The following LIMCH1 variants were observed in gnomAD, a reference collection of about 807,000 sequenced individuals.
LIMCH1 encodes LIM and calponin homology domains 1.
A neutral mutation model predicts 176.5 loss-of-function variants in LIMCH1; 113 were observed. That is an observed-to-expected ratio of 0.64 (90% CI 0.55 to 0.75). The LOEUF (loss-of-function observed/expected upper bound fraction) is 0.75. Among genes scored for constraint, LIMCH1 ranks in the 30% least tolerant of loss-of-function variants. The probability of loss-of-function intolerance (pLI) is 0.00; values close to 1 mark genes in which losing one functional copy is unlikely to be tolerated. For synonymous variants in LIMCH1, 619 were observed against 645.9 expected (o/e 0.96, Z 0.63); for missense variants, 1,674 against 1,814.9 (o/e 0.92, Z 1.41).
At chr4:41,552,230 T>A (rs899968157) in intron 1 of LIMCH1, among the ~76,000 whole-genome samples, 1 of 152,106 alleles carries the variant, frequency 6.6e-6, no homozygotes, top group Non-Finnish European at 1.5e-5. Context: ...GGAGCTACAA[T>A]TGAAGATGAG....
intron 1 of LIMCH1, among the ~76,000 whole-genome samples, chr4:41,449,860 AG>A (rs2063675389): frequency 6.6e-6 from 1 of 152,206 alleles, no homozygotes; most frequent in Non-Finnish European, 1.5e-5. Context: ...GAGTGTTGGC[AG>A]GGTTGATGTC....
chr4:41,592,404 T>G (rs2087777272), intron 1 of LIMCH1, among the ~76,000 whole-genome samples: 1 of 152,240 alleles, frequency 6.6e-6, no homozygotes, highest in African/African-American at 2.4e-5. Flanking sequence ...TGAGGCTGTT[T>G]GTATAAAACT....
In LIMCH1 at chr4:41,687,836, AC is replaced by A; in HGVS notation, c.4089-3del. The stretch of plus-strand genomic sequence containing the variant: ...TAATTTTTGACTCCTTTACCACATT[AC>A]AGGAAAAGTCCCCGAGAGCACTTCC... On this transcript the variant is annotated splice_polypyrimidine_tract_variant and splice_region_variant and intron_variant, in intron 28 of 31. Transcript: ENST00000503057. 6.2e-7 allele frequency: 1 copy of A among 1,609,436 alleles called. No homozygotes were observed. Among genetic ancestry groups the A allele is most frequent in the Non-Finnish European group, 8.5e-7 (1 of 1,176,190 alleles).
chr4:41,494,274 A>G (rs1004224810), intron 1 of LIMCH1, among the ~76,000 whole-genome samples: 64 of 150,500 alleles, frequency 4.3e-4, no homozygotes, highest in African/African-American at 1.5e-3. Context: ...GTTTTTTTCA[A>G]GATTATTGAA....
chr4:41,381,133 A>G (rs1474009797), intron 1 of LIMCH1, among the ~76,000 whole-genome samples: 1 of 152,236 alleles, frequency 6.6e-6, no homozygotes, highest in African/African-American at 2.4e-5. Context: ...TGCCCAAGGA[A>G]GAACTTAACC....
At chr4:41,420,298 G>A (rs1428084849) in intron 1 of LIMCH1, among the ~76,000 whole-genome samples, 1 of 152,106 alleles carries the variant, frequency 6.6e-6, no homozygotes. Context: ...TAATAGCCTT[G>A]AATTATAATA....
chr4:41,690,644 G>A (rs16853490), intron 30 of LIMCH1, among the ~76,000 whole-genome samples: 3 of 151,848 alleles, frequency 2.0e-5, no homozygotes, highest in African/African-American at 7.3e-5. Flanking sequence ...AATTTGCCTG[G>A]GTTTAAAATA....
chr4:41,661,413 T>C lies in LIMCH1; in HGVS notation c.3037-7T>C, dbSNP rs2094613852. 6.3e-7 allele frequency: 1 copy of C among 1,594,104 alleles called. No individual in the cohort carries two copies. The highest frequency in any genetic ancestry group is 8.5e-7 in the Non-Finnish European group (1 of 1,169,802). On this transcript the variant is annotated splice_region_variant and splice_polypyrimidine_tract_variant and intron_variant, in intron 18 of 31. Coordinates refer to ENST00000503057, the MANE Select transcript of LIMCH1 (RefSeq NM_001330672.2). ...TTATTCAAGGGGGAAAAAAATCTCT[T>C]TTTCAGGCAACCACTGAGAAAACGG...
intron 2 of LIMCH1, among the ~76,000 whole-genome samples, chr4:41,599,962 A>AT (rs983177182): frequency 1.1e-4 from 16 of 151,878 alleles, no homozygotes; most frequent in Non-Finnish European, 4.4e-5. Flanking sequence ...TATTTGCTTG[A>AT]TTTTTTGTAC....
intron 30 of LIMCH1, 74 bp downstream of exon 30, chr4:41,689,709 C>A: frequency 1.1e-6 from 1 of 926,980 alleles, no homozygotes; most frequent in Non-Finnish European, 1.8e-6. Context: ...CTGAAAAATG[C>A]CTCTTGGAAA....
chr4:41,528,300 C>T (rs986076386), intron 3 of LIMCH1, among the ~76,000 whole-genome samples: 4 of 151,918 alleles, frequency 2.6e-5, no homozygotes, highest in African/African-American at 9.7e-5. Flanking sequence ...AAAGGGCGTA[C>T]GGGGGTCATG....
chr4:41,422,972 T>G (rs1266408712), intron 1 of LIMCH1, among the ~76,000 whole-genome samples: 1 of 152,054 alleles, frequency 6.6e-6, no homozygotes, highest in Non-Finnish European at 1.5e-5. Context: ...TTGCTTAGGC[T>G]GGTCTTGATC....
chr4:41,387,408 TTGAG>T (rs1428607504), intron 1 of LIMCH1, among the ~76,000 whole-genome samples: 2 of 152,246 alleles, frequency 1.3e-5, no homozygotes, highest in Non-Finnish European at 2.9e-5. Flanking sequence ...TCCTATATAA[TTGAG>T]TAATTCATAA....
chr4:41,506,781 G>C (rs1285119980), intron 2 of LIMCH1, among the ~76,000 whole-genome samples: 2 of 152,090 alleles, frequency 1.3e-5, no homozygotes, highest in African/African-American at 2.4e-5. Flanking sequence ...TAACACTCTG[G>C]TCACAAAAAT....
At chr4:41,653,444 C>T (rs1281839160) in intron 18 of LIMCH1, among the ~76,000 whole-genome samples, 1 of 152,102 alleles carries the variant, frequency 6.6e-6, no homozygotes, top group Non-Finnish European at 1.5e-5. Context: ...GCTTGGACTT[C>T]ATTTTCTGTT....
chr4:41,456,276 AC>A (rs1297197381), intron 1 of LIMCH1, among the ~76,000 whole-genome samples: 1 of 152,050 alleles, frequency 6.6e-6, no homozygotes, highest in Non-Finnish European at 1.5e-5. Context: ...TTTTGGCCTC[AC>A]CCTGGATAGT....
chr4:41,606,949 C>G (rs2090807498), intron 4 of LIMCH1, among the ~76,000 whole-genome samples: 1 of 152,184 alleles, frequency 6.6e-6, no homozygotes, highest in Non-Finnish European at 1.5e-5. Context: ...TAGGCAGCCA[C>G]CACTAAGCCT....
At chr4:41,641,281 A>G (rs1026974198) in intron 14 of LIMCH1, among the ~76,000 whole-genome samples, 1 of 151,710 alleles carries the variant, frequency 6.6e-6, no homozygotes, top group Non-Finnish European at 1.5e-5. Context: ...CCAGACACAC[A>G]CCTCTTCATT....
chr4:41,572,921 G>C (rs1254562027), intron 1 of LIMCH1, among the ~76,000 whole-genome samples: 2 of 152,224 alleles, frequency 1.3e-5, no homozygotes, highest in Non-Finnish European at 2.9e-5. Context: ...ACCTAATTTA[G>C]AGGTTCTTAG....
Sources: allele counts gnomAD v4.1 joint callset (sites outside exome capture counted in the v4.1 genomes callset), GRCh38; gene constraint gnomAD v4.1.1; transcripts MANE v1.5; gene names NCBI Gene and HGNC (gene_info 2026-07-23, HGNC 2026-07-21).